The following CATSPERD variants were observed in gnomAD, a reference collection of about 807,000 sequenced individuals.
CATSPERD encodes the protein cation channel sperm-associated auxiliary subunit delta.
A neutral mutation model predicts 98.1 loss-of-function variants in CATSPERD; 86 were observed. That is an observed-to-expected ratio of 0.88 (90% CI 0.74 to 1.05). The LOEUF (loss-of-function observed/expected upper bound fraction) is 1.05, where lower values mean the gene tolerates loss of function less well. Ranked by LOEUF, CATSPERD falls within the 50% of genes least tolerant of loss-of-function variation. The pLI is 0.00. For synonymous variants in CATSPERD, 394 were observed against 390.2 expected, an observed-to-expected ratio of 1.01 and a Z score of -0.12; for missense variants, 995 against 1,005.7, an observed-to-expected ratio of 0.99 and a Z score of 0.14.
At chr19:5,723,186 C>CAAAAA (rs56121351) in intron 1 of CATSPERD, among the ~76,000 whole-genome samples, 2 of 121,394 alleles carry the variant, frequency 1.6e-5, no homozygotes, top group Non-Finnish European at 1.7e-5. Context: ...GATTCTGTCT[C>CAAAAA]AAAAAAAAAA....
chr19:5,733,093 A>G (rs1282316848), intron 4 of CATSPERD, among the ~76,000 whole-genome samples: 1 of 151,502 alleles, frequency 6.6e-6, no homozygotes, highest in African/African-American at 2.4e-5. Context: ...TCCTGGGTTC[A>G]AGCAATTCTC....
intron 18 of CATSPERD, 52 bp downstream of exon 18, chr19:5,768,294 T>A: frequency 7.0e-7 from 1 of 1,434,858 alleles, no homozygotes; most frequent in African/African-American, 1.4e-5. Context: ...CCATTGGGCC[T>A]GCAAAAGCCA....
chr19:5,722,108 A>G (rs2055496827), intron 1 of CATSPERD, among the ~76,000 whole-genome samples: 1 of 151,278 alleles, frequency 6.6e-6, no homozygotes, highest in African/African-American at 2.4e-5. Flanking sequence ...TGAGCCACCC[A>G]TGCCCAGCCA....
chr19:5,724,847 A>G lies in CATSPERD; in HGVS notation c.111A>G (p.Ile37Met). The G allele has an allele frequency of 6.2e-7, 1 of 1,614,064 alleles. No individual in the cohort carries two copies. Among genetic ancestry groups the G allele is most frequent in the Non-Finnish European group, 8.5e-7 (1 of 1,179,918 alleles). ...TVRTGKVFNL[I>M]QDVQGDRLYF... ...GGACAGGAAAAGTGTTTAATCTGAT[A>G]CAGGACGTTCAAGGGGTATGTGGCT... The change falls in exon 2 of 22, where the codon ATA (isoleucine) becomes ATG (methionine). Residue 37 changes from isoleucine (I) to methionine (M), a missense_variant. This residue lies in a region of CATSPERD where 228 missense variants were observed against 209.6 expected (regional missense o/e 1.09). Coordinates refer to ENST00000381624, the MANE Select transcript of CATSPERD (RefSeq NM_152784.4).
intron 1 of CATSPERD, among the ~76,000 whole-genome samples, chr19:5,723,162 G>T (rs993337928): frequency 6.7e-6 from 1 of 148,396 alleles, no homozygotes; most frequent in African/African-American, 2.5e-5. Context: ...ACTCCAGCCT[G>T]GGCGACGGAG....
chr19:5,748,131 C>T (rs1232931306), intron 9 of CATSPERD, 29 bp from the exon 10 acceptor site: 1 of 1,575,022 alleles, frequency 6.3e-7, no homozygotes, highest in Non-Finnish European at 8.7e-7. Context: ...GTACACGGGG[C>T]CTCATGCACC....
chr19:5,768,011 T>C (rs2145849106), intron 17 of CATSPERD, among the ~76,000 whole-genome samples, 157 bp from the exon 18 acceptor site: 1 of 152,226 alleles, frequency 6.6e-6, no homozygotes, highest in East Asian at 1.9e-4. Flanking sequence ...TTGGCCAGGC[T>C]GGTCTCCAAC....
At chr19:5,769,161 A>G (rs961265288) in intron 18 of CATSPERD, among the ~76,000 whole-genome samples, 1 of 149,178 alleles carries the variant, frequency 6.7e-6, no homozygotes, top group African/African-American at 2.4e-5. Flanking sequence ...CTCAAAAAAA[A>G]AAGAGAGAGA....
intron 11 of CATSPERD, among the ~76,000 whole-genome samples, chr19:5,749,882 C>T (rs2056171175): frequency 6.7e-6 from 1 of 149,664 alleles, no homozygotes; most frequent in Admixed American, 6.8e-5. Context: ...TGGCTCACTA[C>T]AACCTCCACC....
intron 14 of CATSPERD, 29 bp downstream of exon 14, chr19:5,757,961 G>T (rs770998103): frequency 1.3e-6 from 2 of 1,588,512 alleles, no homozygotes; most frequent in Admixed American, 3.4e-5. Flanking sequence ...AAACCCTGTC[G>T]CCTGTCCCTT....
chr19:5,754,788 G>T (rs527786785), intron 13 of CATSPERD, among the ~76,000 whole-genome samples: 1 of 151,776 alleles, frequency 6.6e-6, no homozygotes, highest in Admixed American at 6.6e-5. Context: ...CCGCCCTTGT[G>T]CTGTCTCTGT....
intron 18 of CATSPERD, among the ~76,000 whole-genome samples, chr19:5,770,639 T>C (rs560039665): frequency 6.7e-6 from 1 of 150,216 alleles, no homozygotes; most frequent in Admixed American, 6.7e-5. Flanking sequence ...ATATTAACCA[T>C]GCGTGGTGGT....
chr19:5,748,165 C>T lies in CATSPERD; in HGVS notation c.814C>T (p.Leu272Phe). The change falls in exon 10 of 22, where the codon CTC becomes TTC. Residue 272 changes from leucine to phenylalanine, a missense_variant. By Grantham distance (22) the Leu-to-Phe change is conservative. Around this residue, in one of 3 missense-constraint regions of CATSPERD, gnomAD observed 762 missense variants for 773.7 expected, o/e 0.98. Coordinates refer to ENST00000381624, the MANE Select transcript of CATSPERD (RefSeq NM_152784.4). ...CCTGTCCTGTTACCTCCTAGGTCAG[C>T]TCGTCGACACCGTCCGGGTGAAAAA... ...SLLFSHNAGQLVDTVRVKKGD... is the reference protein window; with the variant it reads ...SLLFSHNAGQFVDTVRVKKGD... 1 of 1,613,802 alleles carries T rather than the reference C, an allele frequency of 6.2e-7. No homozygotes were observed.
intron 10 of CATSPERD, among the ~76,000 whole-genome samples, chr19:5,748,728 CTTTTTTTT>C (rs527796326): frequency 1.1e-5 from 1 of 94,080 alleles, no homozygotes; most frequent in African/African-American, 4.3e-5. Context: ...TCATATTATT[CTTTTTTTT>C]TTTTTTTTTT....
intron 18 of CATSPERD, among the ~76,000 whole-genome samples, chr19:5,770,071 AGAGCG>A: frequency 6.8e-6 from 1 of 147,906 alleles, no homozygotes; most frequent in East Asian, 2.0e-4. Context: ...CCTGGGCAAC[AGAGCG>A]AGACTCTGTC....
Position 5,763,108 on chromosome 19 carries a change from A to C in CATSPERD, c.1428-107A>C, listed in dbSNP as rs1438803615. 4 of 770,262 alleles carry C rather than the reference A, an allele frequency of 5.2e-6. No homozygotes were observed. The African/African-American group carries it at 6.9e-5, about 13-fold the overall frequency. 47.7% of individuals were successfully genotyped at this position (770,262 alleles called of 1,614,324 possible). ...ATGGATGGAAGGATGGATGAGATGG[A>C]TGGATGGATGCACGGATGACTGAAT... On this transcript the variant is annotated intron_variant, in intron 15 of 21. Transcript: ENST00000381624.
At chr19:5,746,947 C>T (rs1218850636) in intron 9 of CATSPERD, among the ~76,000 whole-genome samples, 4 of 150,276 alleles carry the variant, frequency 2.7e-5, no homozygotes, top group South Asian at 4.2e-4. Flanking sequence ...TGGGCTCAAA[C>T]GATCCTCCCA....
At chr19:5,769,119 A>C (rs1437699411) in intron 18 of CATSPERD, among the ~76,000 whole-genome samples, 3 of 151,046 alleles carry the variant, frequency 2.0e-5, no homozygotes, top group Admixed American at 6.6e-5. Flanking sequence ...GAGCCACTGC[A>C]CTCCAGACTG....
Position 5,751,639 on chromosome 19 carries a change from C to A in CATSPERD, c.988-8C>A. ...ATGATTAGATCTCAGGAATCATTTT[C>A]TTCTTAGTTTGCAGACCAATACATC... On this transcript the variant is annotated splice_polypyrimidine_tract_variant and splice_region_variant and intron_variant, in intron 11 of 21. Coordinates refer to ENST00000381624, the MANE Select transcript of CATSPERD (RefSeq NM_152784.4). 1 of 1,423,966 alleles carries A rather than the reference C, an allele frequency of 7.0e-7. No individual in the cohort carries two copies. Among genetic ancestry groups the A allele is most frequent in the Non-Finnish European group, 9.3e-7 (1 of 1,069,896 alleles). The allele number at this position is 1,423,966 out of a possible 1,614,324, so 88.2% of individuals were successfully genotyped here. A position where few individuals can be genotyped will look rare whatever the true frequency, so the allele number is the denominator to read the frequency against.
Sources: allele counts gnomAD v4.1 joint callset (sites outside exome capture counted in the v4.1 genomes callset), GRCh38; gene constraint gnomAD v4.1.1; regional missense constraint gnomAD v4.1.1; transcripts MANE v1.5; gene names NCBI Gene and HGNC (gene_info 2026-07-23, HGNC 2026-07-21).